PDE1C: variants seen among roughly 807,000 people sequenced by gnomAD.
The protein encoded by PDE1C is phosphodiesterase 1C.
In PDE1C, 62 loss-of-function variants were observed where a neutral mutation model predicts 93.1. That is an observed-to-expected ratio of 0.67 (90% CI 0.54 to 0.82). PDE1C has a LOEUF of 0.82. Ranked by LOEUF, PDE1C falls within the 40% of genes least tolerant of loss-of-function variation. The pLI is 0.00. For synonymous variants in PDE1C, 325 were observed against 310.1 expected, an observed-to-expected ratio of 1.05 and a Z score of -0.50; for missense variants, 742 against 884.6, an observed-to-expected ratio of 0.84 and a Z score of 2.04.
the PDE1C span, chr7:31,643,506 G>A: frequency 6.2e-7 from 1 of 1,614,018 alleles, no homozygotes; most frequent in Non-Finnish European, 8.5e-7. Context: ...TGACCCAGAT[G>A]TCCTCCAGCC....
At chr7:32,122,961 G>C (rs766203858) in intron 3 of PDE1C, among the ~76,000 whole-genome samples, 7 of 152,026 alleles carry the variant, frequency 4.6e-5, no homozygotes, top group Non-Finnish European at 1.0e-4. Flanking sequence ...TAGATAGACT[G>C]CTAGCTAGAC....
the PDE1C span, among the ~76,000 whole-genome samples, chr7:31,629,554 T>C: frequency 1.3e-5 from 2 of 152,208 alleles, no homozygotes; most frequent in Non-Finnish European, 2.9e-5. Flanking sequence ...TATTTTGATA[T>C]GACAGTTTTT....
At chr7:32,125,944 C>T (rs1337532322) in intron 3 of PDE1C, among the ~76,000 whole-genome samples, 1 of 151,722 alleles carries the variant, frequency 6.6e-6, no homozygotes, top group Admixed American at 6.6e-5. Context: ...TGCCTCAAGA[C>T]ACTGGACCTA....
At chr7:31,876,216 AGGG>A (rs951602290) in intron 5 of PDE1C, among the ~76,000 whole-genome samples, 46 of 152,260 alleles carry the variant, frequency 3.0e-4, no homozygotes, top group African/African-American at 1.1e-3. Flanking sequence ...CCCAGTAAAC[AGGG>A]GACATAGCCA....
At chr7:31,917,506 T>C (rs1309631844) in intron 2 of PDE1C, among the ~76,000 whole-genome samples, 1 of 152,180 alleles carries the variant, frequency 6.6e-6, no homozygotes, top group Non-Finnish European at 1.5e-5. Context: ...CTTAAGGCTC[T>C]GGTTCTGTGA....
intron 2 of PDE1C, among the ~76,000 whole-genome samples, chr7:32,051,307 G>A (rs1170481159): frequency 3.3e-5 from 5 of 152,126 alleles, no homozygotes; most frequent in East Asian, 1.9e-4. Flanking sequence ...TAGACAGCAT[G>A]GCAGTAACAA....
rs143474094 is a variant in PDE1C, at chr7:32,200,544, C to T, written c.136+8945G>A. Among the ~76,000 whole-genome samples, 15 of 152,258 alleles carry T rather than the reference C, an allele frequency of 9.9e-5. No homozygotes were observed. The South Asian group carries it at 1.9e-3, about 19-fold the overall frequency. ...ACCTTGTTTCAACTACCTATTGATG[C>T]GTAACAGATCACACCAAACTTGTGG... On this transcript the variant is annotated intron_variant, in intron 2 of 18. Coordinates refer to the PDE1C transcript ENST00000396193.
chr7:32,108,424 GA>G (rs559968515), intron 3 of PDE1C, among the ~76,000 whole-genome samples: 2 of 118,924 alleles, frequency 1.7e-5, no homozygotes, highest in South Asian at 5.4e-4. Flanking sequence ...ATAGAGTACA[GA>G]AAAAAAACCA....
At chr7:31,691,919 G>A in the PDE1C span, among the ~76,000 whole-genome samples, 1 of 151,812 alleles carries the variant, frequency 6.6e-6, no homozygotes, top group Non-Finnish European at 1.5e-5. Context: ...AAGTCAGCAG[G>A]ACTGGACCTG....
intron 1 of PDE1C, among the ~76,000 whole-genome samples, chr7:32,416,532 A>G (rs372549903): frequency 1.4e-4 from 22 of 151,858 alleles, no homozygotes; most frequent in African/African-American, 4.8e-4. Flanking sequence ...AATGTGGCCA[A>G]TTTTTTTTTA....
chr7:32,231,489 C>A (rs1376559086), intron 1 of PDE1C, among the ~76,000 whole-genome samples: 1 of 152,036 alleles, frequency 6.6e-6, no homozygotes, highest in African/African-American at 2.4e-5. Flanking sequence ...TCTGAATAGA[C>A]CTTATACCAC....
At chr7:32,096,622 A>C (rs1254283447) in intron 3 of PDE1C, among the ~76,000 whole-genome samples, 1 of 152,218 alleles carries the variant, frequency 6.6e-6, no homozygotes, top group African/African-American at 2.4e-5. Context: ...ATTACATAAT[A>C]ATAAGCAATT....
intron 3 of PDE1C, among the ~76,000 whole-genome samples, chr7:32,088,223 T>G (rs1797238894): frequency 6.6e-6 from 1 of 151,894 alleles, no homozygotes; most frequent in South Asian, 2.1e-4. Flanking sequence ...AAAAAGCTCC[T>G]AAAAAAAGCT....
chr7:32,203,867 A>G (rs1805209757), intron 2 of PDE1C, among the ~76,000 whole-genome samples: 1 of 152,158 alleles, frequency 6.6e-6, no homozygotes, highest in Non-Finnish European at 1.5e-5. Context: ...CCTTCTTTAC[A>G]GTTTCACAGA....
chr7:32,244,520 C>T (rs1490014221), intron 1 of PDE1C, among the ~76,000 whole-genome samples: 1 of 152,106 alleles, frequency 6.6e-6, no homozygotes, highest in Non-Finnish European at 1.5e-5. Flanking sequence ...GATCTTTTTC[C>T]TTTGTGGGTA....
intron 3 of PDE1C, among the ~76,000 whole-genome samples, chr7:32,144,701 G>T (rs1276845700): frequency 6.6e-6 from 1 of 152,182 alleles, no homozygotes; most frequent in African/African-American, 2.4e-5. Flanking sequence ...TATGGTTAGG[G>T]GTGAGAGGGC....
At chr7:32,208,621 C>T (rs1294228989) in intron 2 of PDE1C, among the ~76,000 whole-genome samples, 1 of 152,128 alleles carries the variant, frequency 6.6e-6, no homozygotes, top group Non-Finnish European at 1.5e-5. Flanking sequence ...GTGATAAATC[C>T]GTTTCTATTT....
chr7:31,905,020 C>T (rs1372991590), intron 2 of PDE1C, among the ~76,000 whole-genome samples: 3 of 152,068 alleles, frequency 2.0e-5, no homozygotes, highest in Non-Finnish European at 4.4e-5. Context: ...GTGGAGAATA[C>T]AGGTGAAGCT....
chr7:31,651,965 T>TTGCAA, the PDE1C span: 2 of 1,602,458 alleles, frequency 1.2e-6, no homozygotes, highest in Non-Finnish European at 1.7e-6. Context: ...CTGCAAACGT[T>TTGCAA]ACGTGAGGCC....
Sources: gnomAD v4.1 joint callset for allele counts (sites outside exome capture counted in the v4.1 genomes callset) on GRCh38, gnomAD v4.1.1 for gene constraint, MANE v1.5 for transcripts, NCBI Gene and HGNC (gene_info 2026-07-23, HGNC 2026-07-21) for gene names.